ARMH1: variants seen among roughly 807,000 people sequenced by gnomAD.
The protein encoded by ARMH1 is armadillo-like helical domain containing protein 1.
In ARMH1, 34 loss-of-function variants were observed where a neutral mutation model predicts 50.2. That is an observed-to-expected ratio of 0.68 (90% CI 0.51 to 0.90). The LOEUF (loss-of-function observed/expected upper bound fraction) is 0.90. ARMH1 is among the 40% of genes least tolerant of loss of function. The pLI, the probability that ARMH1 is intolerant of heterozygous loss-of-function variation, is 0.00. For synonymous variants in ARMH1, 221 were observed against 224.2 expected, an observed-to-expected ratio of 0.99 and a Z score of 0.13; for missense variants, 538 against 553.9, an observed-to-expected ratio of 0.97 and a Z score of 0.29.
Position 44,681,489 on chromosome 1 carries a change from GATAA to G in ARMH1, c.-23+6625_-23+6628del, listed in dbSNP as rs781434202. On this transcript the variant is annotated intron_variant, in intron 1 of 11. Transcript: ENST00000535358. The surrounding 1 kb of genome is among the most constrained non-coding windows in gnomAD (Gnocchi z 4.3). The stretch of plus-strand genomic sequence containing the variant: ...AGCCCCTATCTCGAATAAATACACT[GATAA>G]ATAAATAATAATAAAGATAGGTAAA... 4.5e-4 allele frequency among the ~76,000 whole-genome samples: 68 copies of G among 152,052 alleles called. No individual in the cohort carries two copies. Among genetic ancestry groups the G allele is most frequent in the South Asian group, 1.0e-3 (5 of 4,816 alleles).
Position 44,719,047 on chromosome 1 carries a change from A to AAAG in ARMH1, c.725-5075_725-5074insAAG, listed in dbSNP as rs57695968. On this transcript the variant is annotated intron_variant, in intron 6 of 11. Coordinates refer to ENST00000535358, the MANE Select transcript of ARMH1 (RefSeq NM_001145636.2). ...TCGGAAAAAAAAAAAAAAAAAAAAA[A>AAAG]GGCATTTCTGAATGAAGCCACTATT... 3.0e-3 allele frequency among the ~76,000 whole-genome samples: 448 copies of AAAG among 150,854 alleles called. 2 individuals are homozygous for AAAG. The highest frequency in any genetic ancestry group is 0.01 in the African/African-American group (428 of 40,838).
At chr1:44,679,737 A>G (rs904036315) in intron 1 of ARMH1, among the ~76,000 whole-genome samples, 2 of 152,160 alleles carry the variant, frequency 1.3e-5, no homozygotes, top group African/African-American at 4.8e-5. Flanking sequence ...CAGCTTTGGG[A>G]AGTTGGTAGT....
intron 6 of ARMH1, among the ~76,000 whole-genome samples, chr1:44,716,645 T>G (rs1214306252): frequency 6.6e-6 from 1 of 152,182 alleles, no homozygotes; most frequent in Non-Finnish European, 1.5e-5. Flanking sequence ...CTCTTCAATA[T>G]GCAGATGCGT....
chr1:44,702,845 A>C (rs1646153019), intron 5 of ARMH1, among the ~76,000 whole-genome samples: 1 of 152,214 alleles, frequency 6.6e-6, no homozygotes, highest in South Asian at 2.1e-4. Context: ...CAGATGCAAC[A>C]AAGTCATTCA....
At chr1:44,676,780 C>T (rs1239575826) in intron 1 of ARMH1, among the ~76,000 whole-genome samples, 1 of 152,074 alleles carries the variant, frequency 6.6e-6, no homozygotes, top group Non-Finnish European at 1.5e-5. Flanking sequence ...GATACATTTT[C>T]AGAAAGCTTG....
intron 6 of ARMH1, among the ~76,000 whole-genome samples, chr1:44,723,137 C>A (rs1247087280): frequency 6.6e-6 from 1 of 152,022 alleles, no homozygotes; most frequent in Non-Finnish European, 1.5e-5. Context: ...CCTTCTCCTC[C>A]TGCCCCCTCT....
At chr1:44,680,162 GC>G (rs1404172793) in intron 1 of ARMH1, among the ~76,000 whole-genome samples, 1 of 151,076 alleles carries the variant, frequency 6.6e-6, no homozygotes, top group Non-Finnish European at 1.5e-5. Flanking sequence ...TTAGATTGGG[GC>G]CAAGTTTGTT....
chr1:44,724,754 C>A lies in ARMH1; in HGVS notation c.1051-8C>A, dbSNP rs1330385089. 1 of 1,534,718 alleles carries A rather than the reference C, an allele frequency of 6.5e-7. No individual in the cohort carries two copies. Among genetic ancestry groups the A allele is most frequent in the South Asian group, 1.2e-5 (1 of 82,960 alleles). On this transcript the variant is annotated splice_polypyrimidine_tract_variant and splice_region_variant and intron_variant, in intron 9 of 11. Coordinates refer to ENST00000535358, the MANE Select transcript of ARMH1 (RefSeq NM_001145636.2). This position sits in a 1 kb window ranked among gnomAD's most constrained non-coding sequence, Gnocchi z 6.4. Reference sequence around the variant, plus strand: ...CCGCAGTCACGCCGCCTCGCCCGCGCGGCGCAGTGCTTCGTGCAGATGTTC... The same window carrying A: ...CCGCAGTCACGCCGCCTCGCCCGCGAGGCGCAGTGCTTCGTGCAGATGTTC...
At position 44,689,663 on chromosome 1, in the gene ARMH1, C is replaced by T. The variant is rs1645590956; in HGVS notation, c.-22-13C>T. ...ACATTCCGGTAACCTGTCTCTTTTC[C>T]CTCCCTCTGTAGCCAACTTCAGGAC... On this transcript the variant is annotated splice_polypyrimidine_tract_variant and intron_variant, in intron 1 of 11. Transcript: ENST00000535358. 3 of 1,539,768 alleles carry T rather than the reference C, an allele frequency of 1.9e-6. No individual in the cohort carries two copies. Among genetic ancestry groups the T allele is most frequent in the Non-Finnish European group, 2.6e-6 (3 of 1,136,500 alleles).
chr1:44,725,488 C>A lies in ARMH1; in HGVS notation c.*85C>A. The A allele has an allele frequency of 7.4e-7, 1 of 1,357,662 alleles. No individual in the cohort carries two copies. Among genetic ancestry groups the A allele is most frequent in the South Asian group, 1.3e-5 (1 of 78,726 alleles). 84.1% of individuals were successfully genotyped at this position (1,357,662 alleles called of 1,614,324 possible). On this transcript the variant is annotated 3_prime_UTR_variant, in exon 12 of 12. Transcript: ENST00000535358. ...AAGGCGCCTGGGGTCAAGCTCAGAG[C>A]CACTCCACTTGGCTCCAGGGGGGAG...
chr1:44,694,994 G>A (rs896342210), intron 2 of ARMH1, among the ~76,000 whole-genome samples: 8 of 152,134 alleles, frequency 5.3e-5, no homozygotes, highest in Non-Finnish European at 1.0e-4. Context: ...TTAGAACCGG[G>A]TGTCTGTCCG....
Position 44,724,934 on chromosome 1 carries a change from A to G in ARMH1, c.1128+95A>G. Reference sequence around the variant, plus strand: ...CAGTCCCCATCCTGGAGCGCGCCACATGCAGAGTGGACCTGGCCACCAGCT... The same window carrying G: ...CAGTCCCCATCCTGGAGCGCGCCACGTGCAGAGTGGACCTGGCCACCAGCT... On this transcript the variant is annotated intron_variant, in intron 10 of 11. Coordinates refer to ENST00000535358, the MANE Select transcript of ARMH1 (RefSeq NM_001145636.2). The surrounding 1 kb of genome is among the most constrained non-coding windows in gnomAD (Gnocchi z 6.4). 6.7e-7 allele frequency: 1 copy of G among 1,502,106 alleles called. No individual in the cohort carries two copies. The highest frequency in any genetic ancestry group is 8.9e-7 in the Non-Finnish European group (1 of 1,124,452). 93.0% of individuals were successfully genotyped at this position (1,502,106 alleles called of 1,614,324 possible). A position where few individuals can be genotyped will look rare whatever the true frequency, so the allele number is the denominator to read the frequency against.
rs150526954 is a variant in ARMH1, at chr1:44,717,457, A to G, written c.725-6665A>G. On this transcript the variant is annotated intron_variant, in intron 6 of 11. Coordinates refer to ENST00000535358, the MANE Select transcript of ARMH1 (RefSeq NM_001145636.2). ...CTTCTCCCTATGGTTTTGCCAATTCACGCATCACCGTCTCCAAGGAATCCT... is the reference window on the plus strand; with the variant it reads ...CTTCTCCCTATGGTTTTGCCAATTCGCGCATCACCGTCTCCAAGGAATCCT... Among the ~76,000 whole-genome samples, 124 of 152,270 alleles carry G rather than the reference A, an allele frequency of 8.1e-4. 2 individuals are homozygous for G. The highest frequency in any genetic ancestry group is 1.5e-5 in the Non-Finnish European group (1 of 68,000).
Position 44,725,484 on chromosome 1 carries a change from A to C in ARMH1, c.*81A>C. ...GAGGAAGGCGCCTGGGGTCAAGCTC[A>C]GAGCCACTCCACTTGGCTCCAGGGG... On this transcript the variant is annotated 3_prime_UTR_variant, in exon 12 of 12. Coordinates refer to ENST00000535358, the MANE Select transcript of ARMH1 (RefSeq NM_001145636.2). 7.2e-7 allele frequency: 1 copy of C among 1,389,082 alleles called. No individual in the cohort carries two copies. The highest frequency in any genetic ancestry group is 2.5e-5 in the East Asian group (1 of 40,166). The allele number at this position is 1,389,082 out of a possible 1,614,324, so 86.0% of individuals were successfully genotyped here.
chr1:44,719,438 C>T (rs1019838505), intron 6 of ARMH1, among the ~76,000 whole-genome samples: 2 of 152,146 alleles, frequency 1.3e-5, no homozygotes, highest in East Asian at 3.8e-4. Context: ...TTCTTCCTGC[C>T]GAAGGGCACT....
intron 6 of ARMH1, among the ~76,000 whole-genome samples, chr1:44,706,890 A>T (rs1237468531): frequency 6.6e-6 from 1 of 152,104 alleles, no homozygotes; most frequent in Non-Finnish European, 1.5e-5. Context: ...AAGCTTAATC[A>T]AACAATCCCA....
Position 44,722,201 on chromosome 1 carries a change from C to G in ARMH1, c.725-1921C>G, listed in dbSNP as rs561315306. On this transcript the variant is annotated intron_variant, in intron 6 of 11. Transcript: ENST00000535358. ...CCAGTAAATGGAGAGAGGCACTTGACTACTGAGCTGGGGAGAGCACATGGC... is the reference window on the plus strand; with the variant it reads ...CCAGTAAATGGAGAGAGGCACTTGAGTACTGAGCTGGGGAGAGCACATGGC... Among the ~76,000 whole-genome samples, 278 of 152,252 alleles carry G rather than the reference C, an allele frequency of 1.8e-3. 2 individuals are homozygous for G. The highest frequency in any genetic ancestry group is 3.2e-3 in the Non-Finnish European group (218 of 68,024).
chr1:44,721,828 C>CATA (rs771263259), intron 6 of ARMH1: 1 of 152,136 alleles, frequency 6.6e-6, no homozygotes. Context: ...ACCATAAACT[C>CATA]ATAGTTGTTT....
chr1:44,713,976 T>C (rs1646732165), intron 6 of ARMH1, among the ~76,000 whole-genome samples: 1 of 152,152 alleles, frequency 6.6e-6, no homozygotes, highest in Non-Finnish European at 1.5e-5. Flanking sequence ...GAACAGAATG[T>C]AGTTAGAGAG....
Sources: gnomAD v4.1 joint callset for allele counts (sites outside exome capture counted in the v4.1 genomes callset) on GRCh38, gnomAD v4.1.1 for gene constraint, Gnocchi (gnomAD v3.1) non-coding constraint, MANE v1.5 for transcripts, NCBI Gene and HGNC (gene_info 2026-07-23, HGNC 2026-07-21) for gene names.